The following SEPTIN9 variants were observed in gnomAD, a reference collection of about 807,000 sequenced individuals.
The protein encoded by SEPTIN9 is septin-9.
Under a neutral mutation model 56.6 loss-of-function variants are expected in SEPTIN9, and 13 were observed. That is an observed-to-expected ratio of 0.23 (90% CI 0.15 to 0.37). The LOEUF is 0.37. Among genes scored for constraint, SEPTIN9 ranks in the 10% least tolerant of loss-of-function variants. The pLI, the probability that SEPTIN9 is intolerant of heterozygous loss-of-function variation, is 1.00. For synonymous variants in SEPTIN9, 332 were observed against 334.1 expected (o/e 0.99, Z 0.07); for missense variants, 650 against 823.1 (o/e 0.79, Z 2.57).
rs1227826233 is a variant in SEPTIN9 at position 77,402,080 on chromosome 17, T to C, written c.98T>C (p.Val33Ala). 5.6e-6 allele frequency: 9 copies of C among 1,613,250 alleles called. No individual in the cohort carries two copies. Among genetic ancestry groups the C allele is most frequent in the Non-Finnish European group, 7.6e-6 (9 of 1,179,426 alleles). The change falls in exon 3 of 12, where the codon GTC (valine) becomes GCC (alanine). Residue 33 changes from valine to alanine, a missense_variant. Physicochemically the swap from Val to Ala is moderately conservative, Grantham distance 64. Coordinates refer to ENST00000427177, the MANE Select transcript of SEPTIN9 (RefSeq NM_001113491.2). This position sits in a 1 kb window ranked among gnomAD's most constrained non-coding sequence, Gnocchi z 6.6. The part of the protein sequence containing the change: ...SGPALKRSFE[V>A]EEVETPNSTP... ...TCAGCCTTGAAAAGATCTTTTGAGGTCGAGGAGGTCGAGACACCCAACTCC... is the reference window on the plus strand; with the variant it reads ...TCAGCCTTGAAAAGATCTTTTGAGGCCGAGGAGGTCGAGACACCCAACTCC...
chr17:77,398,005 A>G (rs1172267233), intron 2 of SEPTIN9, among the ~76,000 whole-genome samples: 5 of 133,900 alleles, frequency 3.7e-5, no homozygotes, highest in African/African-American at 1.1e-4. Flanking sequence ...ACAGAGTCTC[A>G]CTCTGTCATC....
rs745742422 is a variant in SEPTIN9, at chr17:77,492,963, G to A, written c.1477-17G>A. On this transcript the variant is annotated splice_polypyrimidine_tract_variant and intron_variant, in intron 9 of 11. Transcript: ENST00000427177. This position sits in a 1 kb window ranked among gnomAD's most constrained non-coding sequence, Gnocchi z 5.4. ...TTCCCGCACATGTGTAACCAATACC[G>A]TCTGCCCGTTCCCCAGGAGATGATC... 8 of 1,556,402 alleles carry A rather than the reference G, an allele frequency of 5.1e-6. 1 individual carries two copies. In the South Asian group the frequency reaches 7.1e-5, roughly 14 times the overall value.
rs1176866595 is a variant in SEPTIN9 at position 77,456,120 on chromosome 17, C to T, written c.722-26024C>T. The stretch of plus-strand genomic sequence containing the variant: ...CCGTGGCCGGTGTCATCTGCCAGCC[C>T]TGAAGACTAATGATGGGCTGGACAG... On this transcript the variant is annotated intron_variant, in intron 3 of 11. Transcript: ENST00000427177. The surrounding 1 kb of genome is among the most constrained non-coding windows in gnomAD (Gnocchi z 6.0). 7.1e-6 allele frequency among the ~76,000 whole-genome samples: 1 copy of T among 141,408 alleles called. No individual in the cohort carries two copies. Among genetic ancestry groups the T allele is most frequent in the Non-Finnish European group, 1.5e-5 (1 of 66,456 alleles). 92.8% of individuals were successfully genotyped at this position (141,408 alleles called of 152,430 possible). A position where few individuals can be genotyped will look rare whatever the true frequency, so the allele number is the denominator to read the frequency against.
chr17:77,435,765 GGGAGGTCA>G lies in SEPTIN9; in HGVS notation c.721+33064_721+33071del, dbSNP rs1485357799. 1.3e-5 allele frequency among the ~76,000 whole-genome samples: 2 copies of G among 152,264 alleles called. No homozygotes were observed. Among genetic ancestry groups the G allele is most frequent in the African/African-American group, 4.8e-5 (2 of 41,474 alleles). ...TCCTGGCTGTCCTGCAGCCACCTGAGGGAGGTCAGCATGTCGCCTTCATCCCAGGACAG... is the reference window on the plus strand; with the variant it reads ...TCCTGGCTGTCCTGCAGCCACCTGAGGCATGTCGCCTTCATCCCAGGACAG... On this transcript the variant is annotated intron_variant, in intron 3 of 11. Coordinates refer to ENST00000427177, the MANE Select transcript of SEPTIN9 (RefSeq NM_001113491.2). This position sits in a 1 kb window ranked among gnomAD's most constrained non-coding sequence, Gnocchi z 4.5.
At position 77,451,503 on chromosome 17, in the gene SEPTIN9, G is replaced by T. The variant is rs1344108943; in HGVS notation, c.722-30641G>T. 13 of 985,732 alleles carry T rather than the reference G, an allele frequency of 1.3e-5. No individual in the cohort carries two copies. Among genetic ancestry groups the T allele is most frequent in the Non-Finnish European group, 1.6e-5 (13 of 830,252 alleles). 61.1% of individuals were successfully genotyped at this position (985,732 alleles called of 1,614,324 possible). Reference sequence around the variant, plus strand: ...CGGGCCGCGGCTCTCGGCGCGTCCAGCGCAGCCCGACGTTCCGCTGCTGGG... The same window carrying T: ...CGGGCCGCGGCTCTCGGCGCGTCCATCGCAGCCCGACGTTCCGCTGCTGGG... On this transcript the variant is annotated intron_variant, in intron 3 of 11. Coordinates refer to ENST00000427177, the MANE Select transcript of SEPTIN9 (RefSeq NM_001113491.2). This position sits in a 1 kb window ranked among gnomAD's most constrained non-coding sequence, Gnocchi z 4.2.
intron 2 of SEPTIN9, among the ~76,000 whole-genome samples, chr17:77,356,684 C>CTCCCCTACCTCCTCCCCT (rs2034262002): frequency 2.3e-5 from 1 of 43,000 alleles, no homozygotes; most frequent in Non-Finnish European, 4.4e-5. Context: ...CTCCCCTCCC[C>CTCCCCTACCTCCTCCCCT]CCCCACATGC....
chr17:77,295,798 C>G (rs2031785517), intron 1 of SEPTIN9, among the ~76,000 whole-genome samples: 2 of 152,010 alleles, frequency 1.3e-5, no homozygotes, highest in African/African-American at 2.4e-5. Flanking sequence ...GCCCCCCACC[C>G]CACGGAGGCC....
chr17:77,373,352 C>T (rs1224339421), intron 2 of SEPTIN9: 11 of 1,189,856 alleles, frequency 9.2e-6, no homozygotes, highest in Non-Finnish European at 1.1e-5. Context: ...TTCAGCTGAG[C>T]CAGGGGGCCT....
At chr17:77,309,569 T>C (rs1449437420) in intron 2 of SEPTIN9, among the ~76,000 whole-genome samples, 1 of 152,176 alleles carries the variant, frequency 6.6e-6, no homozygotes, top group Non-Finnish European at 1.5e-5. Flanking sequence ...CCAGCTTCTC[T>C]GTAGATCCAC....
intron 3 of SEPTIN9, chr17:77,428,912 A>C (rs1232089345): frequency 4.7e-6 from 2 of 426,366 alleles, no homozygotes; most frequent in Admixed American, 2.6e-5. Context: ...ATTGGGGACA[A>C]ATTTGGGGAT....
chr17:77,406,810 A>G (rs1243543404), intron 3 of SEPTIN9, among the ~76,000 whole-genome samples: 3 of 152,138 alleles, frequency 2.0e-5, no homozygotes, highest in Non-Finnish European at 4.4e-5. Context: ...AGCTGGGACT[A>G]TAGGCGTGGG....
chr17:77,308,888 G>T (rs930211661), intron 2 of SEPTIN9, among the ~76,000 whole-genome samples: 11 of 152,246 alleles, frequency 7.2e-5, no homozygotes, highest in Non-Finnish European at 1.6e-4. Context: ...GCCCCTTGCA[G>T]TACAGGATGG....
chr17:77,404,089 T>C (rs888747571), intron 3 of SEPTIN9, among the ~76,000 whole-genome samples: 5 of 152,214 alleles, frequency 3.3e-5, no homozygotes, highest in Non-Finnish European at 7.3e-5. Context: ...TAAAGGTTCA[T>C]CCGTCGTGCT....
intron 3 of SEPTIN9, among the ~76,000 whole-genome samples, chr17:77,411,063 C>A (rs2036278116): frequency 6.8e-6 from 1 of 146,654 alleles, no homozygotes; most frequent in South Asian, 2.2e-4. Context: ...CCAGCCTGGG[C>A]AACAGAACAA....
Position 77,402,408 on chromosome 17 carries a change from G to T in SEPTIN9, c.426G>T (p.Thr142=), listed in dbSNP as rs370165331. ...LKRAEVLGHK[T]PEPAPRRTEI... Reference sequence around the variant, plus strand: ...GGGCCGAGGTGTTGGGCCACAAGACGCCAGAACCGGCCCCTCGGAGGACGG... The same window carrying T: ...GGGCCGAGGTGTTGGGCCACAAGACTCCAGAACCGGCCCCTCGGAGGACGG... The change falls in exon 3 of 12, where the codon ACG becomes ACT. Residue 142 remains threonine, a synonymous_variant. Transcript: ENST00000427177. The surrounding 1 kb of genome is among the most constrained non-coding windows in gnomAD (Gnocchi z 6.6). 1 of 1,610,814 alleles carries T rather than the reference G, an allele frequency of 6.2e-7. No individual in the cohort carries two copies. The highest frequency in any genetic ancestry group is 1.7e-5 in the Admixed American group (1 of 59,776).
At chr17:77,495,105 G>A (rs776648478) in intron 10 of SEPTIN9, among the ~76,000 whole-genome samples, 30 of 152,168 alleles carry the variant, frequency 2.0e-4, no homozygotes, top group South Asian at 4.1e-4. Flanking sequence ...TGCTATGGGC[G>A]TGCCTCTGCT....
At position 77,318,287 on chromosome 17, in the gene SEPTIN9, C is replaced by T. The variant is rs919395779; in HGVS notation, c.76+11090C>T. Among the ~76,000 whole-genome samples, 3 of 151,830 alleles carry T rather than the reference C, an allele frequency of 2.0e-5. No homozygotes were observed. Among genetic ancestry groups the T allele is most frequent in the Non-Finnish European group, 4.4e-5 (3 of 67,972 alleles). ...CAACACCAGCATCTACAGATCTCTC[C>T]GGGCCCCATCTCCACTTGGCCATCC... On this transcript the variant is annotated intron_variant, in intron 2 of 11. Transcript: ENST00000427177. The surrounding 1 kb of genome is among the most constrained non-coding windows in gnomAD (Gnocchi z 4.9).
intron 3 of SEPTIN9, chr17:77,466,572 C>A: frequency 3.0e-6 from 3 of 985,624 alleles, no homozygotes; most frequent in Non-Finnish European, 3.6e-6. Context: ...TAGGTCAACC[C>A]CAGGCCCTGG....
intron 2 of SEPTIN9, among the ~76,000 whole-genome samples, chr17:77,381,008 G>A (rs1468041761): frequency 6.6e-6 from 1 of 152,196 alleles, no homozygotes; most frequent in Non-Finnish European, 1.5e-5. Context: ...CTGATTCTGT[G>A]CCTGGTTTCG....
Sources: allele counts gnomAD v4.1 joint callset (sites outside exome capture counted in the v4.1 genomes callset), GRCh38; gene constraint gnomAD v4.1.1; non-coding constraint Gnocchi (gnomAD v3.1); transcripts MANE v1.5; gene names NCBI Gene and HGNC (gene_info 2026-07-23, HGNC 2026-07-21).